The following CACNA1E variants were observed in gnomAD, a reference collection of about 807,000 sequenced individuals.
The protein encoded by CACNA1E is calcium voltage-gated channel subunit alpha1 E, also known as voltage-dependent R-type calcium channel subunit alpha-1E.
Under a neutral mutation model 259.2 loss-of-function variants are expected in CACNA1E, and 40 were observed. The observed-to-expected ratio is 0.15, with a 90% CI of 0.12 to 0.20. The LOEUF (loss-of-function observed/expected upper bound fraction) is 0.20. CACNA1E is among the 10% of genes least tolerant of loss of function. The pLI is 1.00. For synonymous variants in CACNA1E, 1,104 were observed against 1,138.5 expected (o/e 0.97, Z 0.61); for missense variants, 1,874 against 3,040.1 (o/e 0.62, Z 9.02).
intron 32 of CACNA1E, 48 bp from the exon 33 acceptor site, chr1:181,762,526 T>C (rs764972438): frequency 9.0e-7 from 1 of 1,114,590 alleles, no homozygotes. Context: ...TTCTCCTTTT[T>C]TTTTTCTTTC....
At chr1:181,589,228 T>C (rs926630872) in intron 6 of CACNA1E, among the ~76,000 whole-genome samples, 1 of 152,166 alleles carries the variant, frequency 6.6e-6, no homozygotes, top group African/African-American at 2.4e-5. Flanking sequence ...TCTACATCAA[T>C]GTAATTGCCA....
At chr1:181,427,083 C>T (rs1369220493) in intron 2 of CACNA1E, among the ~76,000 whole-genome samples, 1 of 151,192 alleles carries the variant, frequency 6.6e-6, no homozygotes, top group Non-Finnish European at 1.5e-5. Flanking sequence ...TCAATCCCTT[C>T]CTATCTCAAC....
intron 1 of CACNA1E, among the ~76,000 whole-genome samples, chr1:181,355,221 C>G (rs1030391906): frequency 2.6e-5 from 4 of 152,116 alleles, no homozygotes; most frequent in African/African-American, 9.7e-5. Flanking sequence ...TTTTAAGCAC[C>G]AGTTTCCTCA....
In CACNA1E at chr1:181,525,503, G is replaced by A. The variant is rs1667287817; in HGVS notation, c.512+13993G>A. Among the ~76,000 whole-genome samples the A allele has an allele frequency of 2.0e-5, 3 of 152,140 alleles. No homozygotes were observed. In the South Asian group the frequency reaches 6.2e-4, roughly 32 times the overall value. On this transcript the variant is annotated intron_variant, in intron 3 of 47. Coordinates refer to ENST00000367573, the MANE Select transcript of CACNA1E (RefSeq NM_001205293.3). ...CCTCTTCAAGATAGCAAAGCCTAGG[G>A]GTAGTCAGCCAGCTGAGGCTATTTA... is the stretch of plus-strand genomic sequence containing the variant.
chr1:181,526,755 G>A (rs1282261684), intron 3 of CACNA1E, among the ~76,000 whole-genome samples: 1 of 152,146 alleles, frequency 6.6e-6, no homozygotes, highest in East Asian at 1.9e-4. Flanking sequence ...GTGACACTGA[G>A]CAAGTTATTT....
chr1:181,366,693 G>A (rs942978607), intron 1 of CACNA1E, among the ~76,000 whole-genome samples: 2 of 152,180 alleles, frequency 1.3e-5, no homozygotes, highest in African/African-American at 4.8e-5. Context: ...CCTCTTTGCT[G>A]TGTGACCCCA....
chr1:181,563,093 C>T (rs569041384), intron 3 of CACNA1E, among the ~76,000 whole-genome samples: 5 of 152,242 alleles, frequency 3.3e-5, no homozygotes, highest in African/African-American at 9.6e-5. Context: ...AAATAGCTCT[C>T]GTTCATTTTG....
chr1:181,341,477 C>G (rs1287906578), intron 1 of CACNA1E, among the ~76,000 whole-genome samples: 1 of 152,210 alleles, frequency 6.6e-6, no homozygotes, highest in Non-Finnish European at 1.5e-5. Context: ...AAGGCAGCCT[C>G]CCTTATTCTC....
intron 7 of CACNA1E, among the ~76,000 whole-genome samples, chr1:181,687,434 C>A (rs557705485): frequency 6.6e-6 from 1 of 152,258 alleles, no homozygotes; most frequent in East Asian, 1.9e-4. Context: ...CCAGTTCACC[C>A]CTCAGCTGGC....
intron 6 of CACNA1E, among the ~76,000 whole-genome samples, chr1:181,609,129 C>T (rs1453924613): frequency 4.6e-5 from 7 of 152,230 alleles, no homozygotes; most frequent in Admixed American, 6.5e-5. Context: ...CTACCTCCCG[C>T]CAGTCTCTAC....
chr1:181,746,497 A>C lies in CACNA1E; in HGVS notation c.3720-3979A>C, dbSNP rs192164055. Among the ~76,000 whole-genome samples the C allele has an allele frequency of 1.1e-3, 160 of 152,280 alleles. 1 individual carries two copies. The highest frequency in any genetic ancestry group is 2.0e-3 in the Non-Finnish European group (134 of 68,020). ...TATGTTAAGCGCCCTTCTACACATC[A>C]TGTTCTAGTTAGCTCCAAGCAATTA... is the stretch of plus-strand genomic sequence containing the variant. On this transcript the variant is annotated intron_variant, in intron 25 of 47. Coordinates refer to ENST00000367573, the MANE Select transcript of CACNA1E (RefSeq NM_001205293.3).
At chr1:181,579,045 T>C in intron 4 of CACNA1E, 27 bp from the exon 5 acceptor site, 2 of 1,577,150 alleles carry the variant, frequency 1.3e-6, no homozygotes, top group East Asian at 2.3e-5. Context: ...GACAGCTGCA[T>C]TGGTCATTCT....
intron 7 of CACNA1E, among the ~76,000 whole-genome samples, chr1:181,705,882 A>G (rs184334968): frequency 6.6e-6 from 1 of 152,324 alleles, no homozygotes; most frequent in East Asian, 1.9e-4. Context: ...CCAGTTTGTA[A>G]GCAGCAGAGG....
chr1:181,779,279 T>A (rs916578515), intron 38 of CACNA1E, among the ~76,000 whole-genome samples: 1 of 152,186 alleles, frequency 6.6e-6, no homozygotes, highest in Non-Finnish European at 1.5e-5. Flanking sequence ...AAGGTAATGG[T>A]TCTCTGGTGC....
chr1:181,751,987 C>T (rs763121065), intron 26 of CACNA1E, 156 bp from the exon 27 acceptor site: 2 of 708,028 alleles, frequency 2.8e-6, no homozygotes, highest in Admixed American at 2.0e-5. Flanking sequence ...CGCAGGATGT[C>T]CCTGGAGTCA....
At chr1:181,620,391 CT>C (rs1170018652) in intron 6 of CACNA1E, among the ~76,000 whole-genome samples, 2 of 152,218 alleles carry the variant, frequency 1.3e-5, no homozygotes, top group Non-Finnish European at 2.9e-5. Context: ...CATGTAGGCA[CT>C]CCTCATCCAC....
intron 1 of CACNA1E, among the ~76,000 whole-genome samples, chr1:181,365,162 CT>C (rs1226166817): frequency 2.0e-5 from 3 of 152,028 alleles, no homozygotes; most frequent in East Asian, 1.9e-4. Context: ...GCAATCCTAG[CT>C]TTTTTTTATT....
At chr1:181,402,071 A>T (rs965984996) in intron 1 of CACNA1E, among the ~76,000 whole-genome samples, 1 of 152,208 alleles carries the variant, frequency 6.6e-6, no homozygotes, top group Non-Finnish European at 1.5e-5. Context: ...GTTTTGTATC[A>T]TTACATATTT....
At chr1:181,467,646 C>G (rs758273705) in intron 2 of CACNA1E, among the ~76,000 whole-genome samples, 3 of 152,048 alleles carry the variant, frequency 2.0e-5, no homozygotes, top group Non-Finnish European at 4.4e-5. Flanking sequence ...AGAGGTGCAG[C>G]TCTGAGTTCA....
Sources: gnomAD v4.1 joint callset for allele counts (sites outside exome capture counted in the v4.1 genomes callset) on GRCh38, gnomAD v4.1.1 for gene constraint, MANE v1.5 for transcripts, NCBI Gene and HGNC (gene_info 2026-07-23, HGNC 2026-07-21) for gene names.